The following MUC5AC variants were observed in gnomAD, a reference collection of about 807,000 sequenced individuals.
MUC5AC encodes the protein mucin-5AC.
A neutral mutation model predicts 169.7 loss-of-function variants in MUC5AC; 158 were observed. That is an observed-to-expected ratio of 0.93 (90% CI 0.82 to 1.06). The LOEUF (loss-of-function observed/expected upper bound fraction) is 1.06, where lower values mean the gene tolerates loss of function less well. Ranked by LOEUF, MUC5AC falls within the 50% of genes least tolerant of loss-of-function variation. MUC5AC has a pLI of 0.00. For synonymous variants in MUC5AC, 1,975 were observed against 1,237.0 expected (o/e 1.60, Z -12.52); for missense variants, 4,359 against 3,089.9 (o/e 1.41, Z -9.74).
In MUC5AC at chr11:1,196,725, G is replaced by A. The variant is rs756775076; in HGVS notation, c.15829+5G>A. On this transcript the variant is annotated splice_donor_5th_base_variant and intron_variant, in intron 39 of 48. Coordinates refer to ENST00000621226, the MANE Select transcript of MUC5AC (RefSeq NM_001304359.2). ...GCGTGCCCACGGGCTGCCCCAGTAC[G>A]TGCCCCAGGCCGGGGCTGGGGGGTG... 8.0e-6 allele frequency: 6 copies of A among 753,018 alleles called. No individual in the cohort carries two copies. Among genetic ancestry groups the A allele is most frequent in the African/African-American group, 1.7e-5 (1 of 58,748 alleles). 46.6% of individuals were successfully genotyped at this position (753,018 alleles called of 1,614,324 possible).
At chr11:1,160,327 G>T (rs935085138) in intron 1 of MUC5AC, among the ~76,000 whole-genome samples, 16 of 152,080 alleles carry the variant, frequency 1.1e-4, no homozygotes, top group African/African-American at 3.9e-4. Flanking sequence ...GAGTGGGAAT[G>T]AATAGATAGG....
At position 1,182,157 on chromosome 11, in the gene MUC5AC, G is replaced by T. The variant is rs1051648538; in HGVS notation, c.4012G>T (p.Val1338Leu). ...TFSFSTPPLV[V>L]SSTHTPSNGP... ...GCTGCCTTCTCTTCTGCCCACAGTC[G>T]TGAGCTCCACGCACACCCCCAGCAA... Residue 1338 changes from valine to leucine, a missense_variant and splice_region_variant, in exon 31 of 49, where the codon GTG becomes TTG. Transcript: ENST00000621226. The T allele has an allele frequency of 3.6e-4, 143 of 398,582 alleles. No homozygotes were observed. The highest frequency in any genetic ancestry group is 2.7e-3 in the African/African-American group (131 of 48,744). 24.7% of individuals were successfully genotyped at this position (398,582 alleles called of 1,614,324 possible).
chr11:1,174,673 C>A, intron 17 of MUC5AC, 51 bp downstream of exon 17: 1 of 736,706 alleles, frequency 1.4e-6, no homozygotes, highest in Non-Finnish European at 2.2e-6. Context: ...GGCCGCGGGT[C>A]TTGGGGTGCC....
chr11:1,162,453 T>G (rs768204375), intron 4 of MUC5AC, 79 bp from the exon 5 acceptor site: 1 of 1,296,702 alleles, frequency 7.7e-7, no homozygotes, highest in East Asian at 2.4e-5. Context: ...CGTGTCACAT[T>G]TGCGACCGCA....
rs765228161 is a variant in MUC5AC, at chr11:1,194,289, A to G, written c.14935A>G (p.Ile4979Val). Residue 4979 changes from isoleucine to valine, a missense_variant, in exon 34 of 49, where the codon ATC (isoleucine) becomes GTC (valine). Transcript: ENST00000621226. ...AEDGLSCPRS[I>V]ILEYHQDRVV... is the part of the protein sequence containing the mutation. ...GGACGGGCTCTCCTGCCCGAGGTCC[A>G]TCATCCTGGAGTACCACCAGGACCG... The G allele has an allele frequency of 1.4e-5, 11 of 760,286 alleles. No individual in the cohort carries two copies. In the East Asian group the frequency reaches 2.7e-4, roughly 19 times the overall value. The allele number at this position is 760,286 out of a possible 1,614,324, so 47.1% of individuals were successfully genotyped here.
intron 19 of MUC5AC, among the ~76,000 whole-genome samples, chr11:1,175,647 C>T (rs1353190123): frequency 0.15 from 20,899 of 140,440 alleles, 1,595 homozygotes; most frequent in Non-Finnish European, 0.17. Context: ...GCAACACTCA[C>T]ACACCCACTC....
chr11:1,182,334 C>T lies in MUC5AC; in HGVS notation c.4189C>T (p.Arg1397Cys), dbSNP rs1035938787. Reference sequence around the variant, plus strand: ...GTGGTCGCCATGGATGGATGTCAGCCGCCCTGGACGGGGCACGGACAGCGG... The same window carrying T: ...GTGGTCGCCATGGATGGATGTCAGCTGCCCTGGACGGGGCACGGACAGCGG... ...CLWSPWMDVSRPGRGTDSGDF... is the reference protein window; with the variant it reads ...CLWSPWMDVSCPGRGTDSGDF... Residue 1397 changes from arginine (R) to cysteine (C), a missense_variant, in exon 31 of 49, where the codon CGC (arginine) becomes TGC (cysteine). Arg to Cys is a radical substitution (Grantham distance 180). Transcript: ENST00000621226. The T allele has an allele frequency of 2.5e-5, 10 of 398,568 alleles. No individual in the cohort carries two copies. The highest frequency in any genetic ancestry group is 6.2e-5 in the African/African-American group (3 of 48,758). The allele number at this position is 398,568 out of a possible 1,614,324, so 24.7% of individuals were successfully genotyped here.
chr11:1,180,840 G>A (rs1031032112), intron 28 of MUC5AC, among the ~76,000 whole-genome samples: 1 of 152,132 alleles, frequency 6.6e-6, no homozygotes, highest in Non-Finnish European at 1.5e-5. Context: ...GTCCCCACCG[G>A]AAGGATGCCC....
Position 1,164,456 on chromosome 11 carries a change from C to G in MUC5AC, c.1053C>G (p.Cys351Trp). 1 of 1,611,466 alleles carries G rather than the reference C, an allele frequency of 6.2e-7. No individual in the cohort carries two copies. The highest frequency in any genetic ancestry group is 8.5e-7 in the Non-Finnish European group (1 of 1,179,258). The part of the protein sequence containing the change: ...NMQYHECRSP[C>W]ADTCSNQEHS... ...AGTACCACGAGTGCCGCTCCCCCTG[C>G]GCAGACACCTGCTCCAACCAGGAGC... is the stretch of plus-strand genomic sequence containing the variant. Residue 351 changes from cysteine (C) to tryptophan (W), a missense_variant, in exon 9 of 49, where the codon TGC (cysteine) becomes TGG (tryptophan). Transcript: ENST00000621226.
intron 11 of MUC5AC, 25 bp from the exon 12 acceptor site, chr11:1,167,852 A>T: frequency 6.5e-7 from 1 of 1,540,840 alleles, no homozygotes; most frequent in South Asian, 1.2e-5. Flanking sequence ...GAGTGTGAGG[A>T]CCCCTGGTGT....
In MUC5AC at chr11:1,184,876, C is replaced by G; in HGVS notation, c.6731C>G (p.Thr2244Ser). Residue 2244 changes from threonine (T) to serine (S), a missense_variant, in exon 31 of 49, where the codon ACC (threonine) becomes AGC (serine). By Grantham distance (58) the Thr-to-Ser change is moderately conservative (BLOSUM62 1). Coordinates refer to ENST00000621226, the MANE Select transcript of MUC5AC (RefSeq NM_001304359.2). ...AGAGCCACCAGCCCAACTCAGAGCA[C>G]CTCCTCTTGGCAGAAATCCAGGACA... ...SGRATSPTQS[T>S]SSWQKSRTTT... 1 of 636,490 alleles carries G rather than the reference C, an allele frequency of 1.6e-6. No individual in the cohort carries two copies. The highest frequency in any genetic ancestry group is 2.8e-6 in the Non-Finnish European group (1 of 356,664). 39.4% of individuals were successfully genotyped at this position (636,490 alleles called of 1,614,324 possible).
Position 1,190,800 on chromosome 11 carries a change from T to C in MUC5AC, c.12655T>C (p.Ser4219Pro), listed in dbSNP as rs1861071156. 1 of 722,722 alleles carries C rather than the reference T, an allele frequency of 1.4e-6. No individual in the cohort carries two copies. Among genetic ancestry groups the C allele is most frequent in the Admixed American group, 1.9e-5 (1 of 52,552 alleles). 44.8% of individuals were successfully genotyped at this position (722,722 alleles called of 1,614,324 possible). The change falls in exon 31 of 49, where the codon TCC becomes CCC. Residue 4219 changes from serine to proline, a missense_variant. Transcript: ENST00000621226. ...CTCAGCTGCTACAAGCAGCACAACC[T>C]CCGGTTCTGGAACTACTCCAAGCCC... The part of the protein sequence containing the change: ...KTSAATSSTT[S>P]GSGTTPSPVP...
At chr11:1,196,151 GA>G in intron 37 of MUC5AC, 97 bp downstream of exon 37, 1 of 632,156 alleles carries the variant, frequency 1.6e-6, no homozygotes, top group Non-Finnish European at 2.8e-6. Flanking sequence ...GTCAGGGGGG[GA>G]CCTGGAGGAG....
At chr11:1,178,013 G>A (rs1042804362) in intron 24 of MUC5AC, among the ~76,000 whole-genome samples, 1 of 152,162 alleles carries the variant, frequency 6.6e-6, no homozygotes, top group African/African-American at 2.4e-5. Context: ...TCGCCGCCCC[G>A]TCTTCACGCA....
In MUC5AC at chr11:1,181,346, G is replaced by T; in HGVS notation, c.3896G>T (p.Gly1299Val). The T allele has an allele frequency of 2.5e-6, 1 of 398,732 alleles. No individual in the cohort carries two copies. The highest frequency in any genetic ancestry group is 4.4e-6 in the Non-Finnish European group (1 of 226,184). 24.7% of individuals were successfully genotyped at this position (398,732 alleles called of 1,614,324 possible). ...TACCACACGACGGATGGCACGGGTG[G>T]CTGCATCTCCGCCCGCTGCGGGGCC... ...VIYHTTDGTG[G>V]CISARCGANG... Residue 1299 changes from glycine to valine, a missense_variant, in exon 30 of 49, where the codon GGC becomes GTC. Gly to Val is a moderately radical substitution (Grantham distance 109). Coordinates refer to ENST00000621226, the MANE Select transcript of MUC5AC (RefSeq NM_001304359.2).
chr11:1,168,976 C>A lies in MUC5AC; in HGVS notation c.1820C>A (p.Pro607His). The change falls in exon 15 of 49, where the codon CCC (proline) becomes CAC (histidine). Residue 607 changes from proline (P) to histidine (H), a missense_variant. By Grantham distance (77) the Pro-to-His change is moderately conservative. Transcript: ENST00000621226. ...FNTFKTQAAC[P>H]NIRNSFEDPC... ...ACCTTCAAGACCCAGGCCGCCTGCC[C>A]CAACATCAGGAACAGCTTCGAGGAC... is the stretch of plus-strand genomic sequence containing the variant. 6.2e-7 allele frequency: 1 copy of A among 1,610,418 alleles called. No individual in the cohort carries two copies. The highest frequency in any genetic ancestry group is 8.5e-7 in the Non-Finnish European group (1 of 1,178,650).
At chr11:1,173,534 C>T (rs1702289765) in intron 16 of MUC5AC, among the ~76,000 whole-genome samples, 5 of 150,668 alleles carry the variant, frequency 3.3e-5, no homozygotes, top group Admixed American at 6.6e-5. Context: ...CTCATTCACT[C>T]ATTTACTGAC....
Position 1,185,879 on chromosome 11 carries a change from G to A in MUC5AC, c.7734G>A (p.Thr2578=), listed in dbSNP as rs1302281291. ...PGTTPSPVPT[T]STTSAPTTST... ...CTACTCCCAGCCCTGTTCCTACCACGAGCACAACCTCTGCTCCTACAACCA... is the reference window on the plus strand; with the variant it reads ...CTACTCCCAGCCCTGTTCCTACCACAAGCACAACCTCTGCTCCTACAACCA... The change falls in exon 31 of 49, where the codon ACG becomes ACA. Residue 2578 remains threonine, a synonymous_variant. Coordinates refer to ENST00000621226, the MANE Select transcript of MUC5AC (RefSeq NM_001304359.2). The A allele has an allele frequency of 3.0e-4, 147 of 489,150 alleles. 3 individuals carry two copies. In the South Asian group the frequency reaches 3.4e-3, roughly 11 times the overall value. 30.3% of individuals were successfully genotyped at this position (489,150 alleles called of 1,614,324 possible). A position where few individuals can be genotyped will look rare whatever the true frequency, so the allele number is the denominator to read the frequency against.
chr11:1,166,885 C>T (rs2133723913), intron 11 of MUC5AC, among the ~76,000 whole-genome samples: 2 of 36,550 alleles, frequency 5.5e-5, no homozygotes, highest in Non-Finnish European at 1.0e-4. Context: ...AAGATGAGAC[C>T]CTGCACCCGA....
Sources: allele counts gnomAD v4.1 joint callset (sites outside exome capture counted in the v4.1 genomes callset), GRCh38; gene constraint gnomAD v4.1.1; transcripts MANE v1.5; gene names NCBI Gene and HGNC (gene_info 2026-07-23, HGNC 2026-07-21).